Variants in CTU2 observed in about 807,000 individuals in gnomAD.
CTU2 encodes cytosolic thiouridylase subunit 2, also known as cytoplasmic tRNA 2-thiolation protein 2.
A neutral mutation model predicts 64.1 loss-of-function variants in CTU2; 80 were observed. That is an observed-to-expected ratio of 1.25 (90% CI 1.04 to 1.50). CTU2 has a LOEUF of 1.50. Ranked by LOEUF, CTU2 falls within the 40% of genes most tolerant of loss-of-function variation. The pLI, the probability that CTU2 is intolerant of heterozygous loss-of-function variation, is 0.00. For synonymous variants in CTU2, 482 were observed against 285.3 expected (o/e 1.69, Z -6.95); for missense variants, 1,110 against 690.2 (o/e 1.61, Z -6.81).
chr16:88,714,282 G>A, intron 10 of CTU2, 55 bp downstream of exon 10: 2 of 1,209,430 alleles, frequency 1.7e-6, no homozygotes, highest in South Asian at 1.2e-5. Context: ...CTGTGCGCGG[G>A]TGTGTGCGGG....
chr16:88,713,851 C>A, intron 9 of CTU2, 73 bp downstream of exon 9: 1 of 1,586,536 alleles, frequency 6.3e-7, no homozygotes, highest in Admixed American at 1.7e-5. Context: ...GGCAGCCTCT[C>A]ACAGGCTCAG....
At chr16:88,707,239 G>A (rs201343488) in intron 2 of CTU2, 29 bp downstream of exon 2, 19 of 1,603,862 alleles carry the variant, frequency 1.2e-5, no homozygotes, top group African/African-American at 8.0e-5. Context: ...TGAGACCCTG[G>A]CAAACATGGC....
At position 88,714,451 on chromosome 16, in the gene CTU2, TCCTCTG is replaced by T. The variant is rs778181869; in HGVS notation, c.1168_1173del (p.Leu390_Cys391del). On this transcript the variant is annotated inframe_deletion, in exon 11 of 15. Coordinates refer to ENST00000453996, the MANE Select transcript of CTU2 (RefSeq NM_001012759.3). ...GCTGGCGACTCCGGCCCCCGCTGCC[TCCTCTG>T]CATGTGTGCCCTGGACGTCGACGCC... 3 of 1,612,512 alleles carry T rather than the reference TCCTCTG, an allele frequency of 1.9e-6. No individual in the cohort carries two copies. The South Asian group carries it at 3.3e-5, about 18-fold the overall frequency.
At chr16:88,709,056 C>T (rs913415999) in intron 2 of CTU2, 1 of 152,192 alleles carries the variant, frequency 6.6e-6, no homozygotes, top group African/African-American at 2.4e-5. Flanking sequence ...AGGAGGGTCA[C>T]TTAAGGCCAG....
At position 88,712,920 on chromosome 16, in the gene CTU2, GC is replaced by G. The variant is rs67815044; in HGVS notation, c.737+21del. 182,173 of 1,088,564 alleles carry G rather than the reference GC, an allele frequency of 0.17. 36,506 individuals carry two copies. The highest frequency in any genetic ancestry group is 0.48 in the African/African-American group (15,949 of 33,380). The allele number at this position is 1,088,564 out of a possible 1,614,324, so 67.4% of individuals were successfully genotyped here. A position where few individuals can be genotyped will look rare whatever the true frequency, so the allele number is the denominator to read the frequency against. On this transcript the variant is annotated intron_variant, in intron 7 of 14. Coordinates refer to ENST00000453996, the MANE Select transcript of CTU2 (RefSeq NM_001012759.3). ...CAGACCCTGCGGTGAGGCCCCGAGA[GC>G]CCCCCTTCCCCGGGCCCTGACCCCC...
chr16:88,709,087 C>T (rs554110724), intron 2 of CTU2: 34 of 152,280 alleles, frequency 2.2e-4, no homozygotes, highest in African/African-American at 7.5e-4. Flanking sequence ...CCAGTCTGGG[C>T]AACAAAGTGA....
intron 1 of CTU2, 178 bp from the exon 2 acceptor site, chr16:88,706,958 A>T: frequency 3.1e-6 from 2 of 644,148 alleles, no homozygotes; most frequent in Non-Finnish European, 5.4e-6. Context: ...ACATCCCCCC[A>T]GAGCCTTTGT....
At chr16:88,707,363 G>C (rs1256431013) in intron 2 of CTU2, among the ~76,000 whole-genome samples, 153 bp downstream of exon 2, 1 of 152,232 alleles carries the variant, frequency 6.6e-6, no homozygotes, top group African/African-American at 2.4e-5. Flanking sequence ...TGGTGTTGAA[G>C]TGGAGGCGAA....
intron 1 of CTU2, 44 bp from the exon 2 acceptor site, chr16:88,707,092 A>G: frequency 6.3e-7 from 1 of 1,596,892 alleles, no homozygotes; most frequent in Non-Finnish European, 8.6e-7. Context: ...CGTGGGGAAG[A>G]TGTGATCTGT....
Position 88,706,528 on chromosome 16 carries a change from C to A in CTU2, c.-3C>A. The A allele has an allele frequency of 6.9e-7, 1 of 1,449,456 alleles. No individual in the cohort carries two copies. Among genetic ancestry groups the A allele is most frequent in the Non-Finnish European group, 9.0e-7 (1 of 1,108,018 alleles). 89.8% of individuals were successfully genotyped at this position (1,449,456 alleles called of 1,614,324 possible). Reference sequence around the variant, plus strand: ...ACAGTCTGCGACGGGACCCGGCGTGCCCATGTGTCAGGTGGGCGAGGACTA... The same window carrying A: ...ACAGTCTGCGACGGGACCCGGCGTGACCATGTGTCAGGTGGGCGAGGACTA... On this transcript the variant is annotated 5_prime_UTR_variant, in exon 1 of 15. Transcript: ENST00000453996.
In CTU2 at chr16:88,712,778, C is replaced by T; in HGVS notation, c.610C>T (p.Pro204Ser). 1 of 1,608,108 alleles carries T rather than the reference C, an allele frequency of 6.2e-7. No homozygotes were observed. Among genetic ancestry groups the T allele is most frequent in the Non-Finnish European group, 8.5e-7 (1 of 1,177,994 alleles). ...CCCGACTCAAGGGGAGGAACAGCCA[C>T]CCCAGCCCCCGCTGGACCCCCAGAA... ...PGPTQGEEQP[P>S]QPPLDPQNLA... Residue 204 changes from proline (P) to serine (S), a missense_variant, in exon 7 of 15, where the codon CCC (proline) becomes TCC (serine). Transcript: ENST00000453996.
At position 88,714,669 on chromosome 16, in the gene CTU2, A is replaced by AC. The variant is rs766775844; in HGVS notation, c.1289dup (p.Pro432AlafsTer28). On this transcript the variant is annotated frameshift_variant, in exon 12 of 15. Coordinates refer to ENST00000453996, the MANE Select transcript of CTU2 (RefSeq NM_001012759.3). LOFTEE classifies it high-confidence loss of function. Reference sequence around the variant, plus strand: ...CCATCCCCCTGACTGAGACCCGGACACCCCCGGGGCCCTGCTGTTCTCCAG... The same window carrying AC: ...CCATCCCCCTGACTGAGACCCGGACACCCCCCGGGGCCCTGCTGTTCTCCAG... 2 of 1,611,570 alleles carry AC rather than the reference A, an allele frequency of 1.2e-6. No homozygotes were observed. Among genetic ancestry groups the AC allele is most frequent in the African/African-American group, 2.7e-5 (2 of 74,574 alleles).
rs768075874 is a variant in CTU2 at position 88,712,652 on chromosome 16, T to A, written c.484T>A (p.Cys162Ser). The change falls in exon 7 of 15, where the codon TGC becomes AGC. Residue 162 changes from cysteine (C) to serine (S), a missense_variant. Transcript: ENST00000453996. ...VFSLPPSVLW[C>S]SAQELVGSEG... Reference sequence around the variant, plus strand: ...CAGCCTGCCACCGTCGGTGCTTTGGTGCTCTGCCCAGGAGCTGGTGGGATC... The same window carrying A: ...CAGCCTGCCACCGTCGGTGCTTTGGAGCTCTGCCCAGGAGCTGGTGGGATC... 1 of 1,610,546 alleles carries A rather than the reference T, an allele frequency of 6.2e-7. No homozygotes were observed. Among genetic ancestry groups the A allele is most frequent in the Admixed American group, 1.7e-5 (1 of 59,966 alleles).
rs536012627 is a variant in CTU2, at chr16:88,709,807, A to G, written c.144-131A>G. The G allele has an allele frequency of 3.8e-5, 31 of 806,684 alleles. No homozygotes were observed. The East Asian group carries it at 7.6e-4, about 20-fold the overall frequency. The allele number at this position is 806,684 out of a possible 1,614,324, so 50.0% of individuals were successfully genotyped here. Reference sequence around the variant, plus strand: ...CCGCCCCTTTCACCAGTCTCTGGACAGAGCCTGGATGTGAAGATGCTGCTT... The same window carrying G: ...CCGCCCCTTTCACCAGTCTCTGGACGGAGCCTGGATGTGAAGATGCTGCTT... On this transcript the variant is annotated intron_variant, in intron 2 of 14. Coordinates refer to ENST00000453996, the MANE Select transcript of CTU2 (RefSeq NM_001012759.3).
rs528606137 is a variant in CTU2 at position 88,714,256 on chromosome 16, G to T, written c.1097+29G>T. The T allele has an allele frequency of 2.5e-6, 4 of 1,598,142 alleles. No homozygotes were observed. Among genetic ancestry groups the T allele is most frequent in the Non-Finnish European group, 2.6e-6 (3 of 1,172,358 alleles). ...TGGGTGTGTGTGGGTGTGTGCGGGG[G>T]GTGCGCGGGTGTGTGCTGTGCGCGG... On this transcript the variant is annotated intron_variant, in intron 10 of 14. Coordinates refer to ENST00000453996, the MANE Select transcript of CTU2 (RefSeq NM_001012759.3).
rs1567645689 is a variant in CTU2 at position 88,708,487 on chromosome 16, G to GGA, written c.143+1279_143+1280dup. On this transcript the variant is annotated intron_variant, in intron 2 of 14. Transcript: ENST00000453996. ...CAGAGGCTCTCCTGGTCCACAGTGC[G>GGA]GAGGTGAAGCCCAGCACCTGTGTCT... Among the ~76,000 whole-genome samples, 14 of 152,230 alleles carry GGA rather than the reference G, an allele frequency of 9.2e-5. No individual in the cohort carries two copies. The South Asian group carries it at 2.1e-3, about 23-fold the overall frequency.
At position 88,710,036 on chromosome 16, in the gene CTU2, G is replaced by T; in HGVS notation, c.222+20G>T. On this transcript the variant is annotated intron_variant, in intron 3 of 14. Coordinates refer to ENST00000453996, the MANE Select transcript of CTU2 (RefSeq NM_001012759.3). The stretch of plus-strand genomic sequence containing the variant: ...GAGAAGGTAGCGTCTGGGTCCTGGG[G>T]GTCTGACTGAGCAGCCTGGCCCCTC... The T allele has an allele frequency of 1.2e-6, 2 of 1,613,166 alleles. No homozygotes were observed. The highest frequency in any genetic ancestry group is 2.2e-5 in the South Asian group (2 of 91,058).
In CTU2 at chr16:88,714,425, T is replaced by C. The variant is rs1353816372; in HGVS notation, c.1140T>C (p.Ala380=). Residue 380 remains alanine (A), a synonymous_variant, in exon 11 of 15, where the codon GCT becomes GCC. Coordinates refer to ENST00000453996, the MANE Select transcript of CTU2 (RefSeq NM_001012759.3). ...TGAAGGGCCCCCGGGATGGCCCTGC[T>C]GCTGGCGACTCCGGCCCCCGCTGCC... ...KLVKGPRDGP[A]AGDSGPRCLL... 6.2e-7 allele frequency: 1 copy of C among 1,612,560 alleles called. No individual in the cohort carries two copies. The highest frequency in any genetic ancestry group is 1.7e-5 in the Admixed American group (1 of 60,022).
At chr16:88,710,184 G>C (rs1301130843) in intron 3 of CTU2, 39 bp from the exon 4 acceptor site, 1 of 1,612,234 alleles carries the variant, frequency 6.2e-7, no homozygotes, top group Non-Finnish European at 8.5e-7. Flanking sequence ...TGCCTGTGTT[G>C]GAGGTGCGGT....
Sources: allele counts gnomAD v4.1 joint callset (sites outside exome capture counted in the v4.1 genomes callset), GRCh38; gene constraint gnomAD v4.1.1; transcripts MANE v1.5; gene names NCBI Gene and HGNC (gene_info 2026-07-23, HGNC 2026-07-21).